SLC25A21: variants seen among roughly 807,000 people sequenced by gnomAD.
SLC25A21 encodes solute carrier family 25 member 21, also known as mitochondrial 2-oxodicarboxylate carrier.
In SLC25A21, 47 loss-of-function variants were observed where a neutral mutation model predicts 43.8. The ratio of observed to expected loss-of-function variants is 1.07; its 90% confidence interval spans 0.85 to 1.37. SLC25A21 has a LOEUF of 1.37. Ranked by LOEUF, SLC25A21 falls within the 40% of genes most tolerant of loss-of-function variation. The pLI, the probability that SLC25A21 is intolerant of heterozygous loss-of-function variation, is 0.00. For synonymous variants in SLC25A21, 131 were observed against 121.3 expected, an observed-to-expected ratio of 1.08 and a Z score of -0.52; for missense variants, 352 against 350.2, an observed-to-expected ratio of 1.00 and a Z score of -0.04.
At chr14:36,887,080 G>A (rs551346675) in intron 1 of SLC25A21, among the ~76,000 whole-genome samples, 1 of 152,060 alleles carries the variant, frequency 6.6e-6, no homozygotes, top group Non-Finnish European at 1.5e-5. Flanking sequence ...GAAGAAAATA[G>A]AGAGAAATAG....
intron 1 of SLC25A21, among the ~76,000 whole-genome samples, chr14:36,914,367 G>T (rs879776826): frequency 1.6e-4 from 24 of 152,302 alleles, no homozygotes; most frequent in Admixed American, 1.4e-3. Flanking sequence ...CAGCTGAAAT[G>T]CAGCAGTTGA....
rs1389511549 is a variant in SLC25A21 at position 36,785,454 on chromosome 14, T to C, written c.203+28464A>G. Reference sequence around the variant, plus strand: ...TTTCTGCATGTGAATAGTAGAGATGTATATATTTTCTCTCATCTACCCTGG... The same window carrying C: ...TTTCTGCATGTGAATAGTAGAGATGCATATATTTTCTCTCATCTACCCTGG... On this transcript the variant is annotated intron_variant, in intron 3 of 9. Coordinates refer to ENST00000331299, the MANE Select transcript of SLC25A21 (RefSeq NM_030631.4). Among the ~76,000 whole-genome samples, 3 of 152,316 alleles carry C rather than the reference T, an allele frequency of 2.0e-5. No individual in the cohort carries two copies. The East Asian group carries it at 5.8e-4, about 29-fold the overall frequency.
chr14:36,821,979 T>G (rs1888653459), intron 2 of SLC25A21, among the ~76,000 whole-genome samples: 1 of 152,146 alleles, frequency 6.6e-6, no homozygotes. Flanking sequence ...GTCTCAGCAT[T>G]TACTGAGCTC....
In SLC25A21 at chr14:36,699,423, G is replaced by GCAGTCT. The variant is rs377511953; in HGVS notation, c.603+11889_603+11894dup. ...AGGGATCAGGGACCCACTTGAGGAG[G>GCAGTCT]CAGTCTGTCTGTTCTCAGAGCTCAA... On this transcript the variant is annotated intron_variant, in intron 7 of 9. Coordinates refer to ENST00000331299, the MANE Select transcript of SLC25A21 (RefSeq NM_030631.4). 6.2e-3 allele frequency among the ~76,000 whole-genome samples: 937 copies of GCAGTCT among 152,310 alleles called. 12 individuals carry two copies. The highest frequency in any genetic ancestry group is 0.022 in the African/African-American group (907 of 41,562).
chr14:36,996,503 G>C (rs1188452821), intron 1 of SLC25A21, among the ~76,000 whole-genome samples: 1 of 152,192 alleles, frequency 6.6e-6, no homozygotes, highest in Non-Finnish European at 1.5e-5. Context: ...ACAAAATAGG[G>C]ATAATAATGT....
At chr14:36,827,800 G>T (rs1431194220) in intron 2 of SLC25A21, among the ~76,000 whole-genome samples, 1 of 152,156 alleles carries the variant, frequency 6.6e-6, no homozygotes, top group Non-Finnish European at 1.5e-5. Flanking sequence ...AATAATAAAT[G>T]TAAAAACAGC....
rs1385967684 is a variant in SLC25A21 at position 36,684,885 on chromosome 14, A to T, written c.644T>A (p.Leu215His). The change falls in exon 8 of 10, where the codon CTT (leucine) becomes CAT (histidine). Residue 215 changes from leucine to histidine, a missense_variant. Physicochemically the swap from Leu to His is moderately conservative, Grantham distance 99. Transcript: ENST00000331299. ...LEFWRKFGIGLLSGTIASVIN... is the reference protein window; with the variant it reads ...LEFWRKFGIGHLSGTIASVIN... ...GACTGAGGCTATTGTCCCCGAGAGA[A>T]GACCAATCCCAAATTTTCTCCAAAA... is the stretch of plus-strand genomic sequence containing the variant. The T allele has an allele frequency of 6.2e-7, 1 of 1,610,738 alleles. No individual in the cohort carries two copies. Among genetic ancestry groups the T allele is most frequent in the Admixed American group, 1.7e-5 (1 of 58,862 alleles).
chr14:36,939,307 G>A (rs1277467480), intron 1 of SLC25A21, among the ~76,000 whole-genome samples: 9 of 151,952 alleles, frequency 5.9e-5, no homozygotes, highest in Non-Finnish European at 1.0e-4. Context: ...GGAGCCAGGG[G>A]TGGGGGGGGA....
At chr14:37,000,812 C>G (rs750090534) in intron 1 of SLC25A21, among the ~76,000 whole-genome samples, 1 of 146,334 alleles carries the variant, frequency 6.8e-6, no homozygotes, top group Non-Finnish European at 1.5e-5. Flanking sequence ...CTGCCTCGCT[C>G]TCCCTGCTCC....
intron 1 of SLC25A21, among the ~76,000 whole-genome samples, chr14:37,050,526 C>T (rs1278498758): frequency 2.0e-5 from 3 of 152,284 alleles, no homozygotes; most frequent in Non-Finnish European, 2.9e-5. Context: ...TTGGATTCTT[C>T]CAACTCATCA....
chr14:36,742,689 C>A (rs529484951), intron 3 of SLC25A21, among the ~76,000 whole-genome samples: 1 of 152,166 alleles, frequency 6.6e-6, no homozygotes, highest in Admixed American at 6.5e-5. Flanking sequence ...AAATAAATTT[C>A]AAGGAAGTGC....
intron 7 of SLC25A21, among the ~76,000 whole-genome samples, chr14:36,707,033 T>C (rs570667756): frequency 9.2e-5 from 14 of 152,336 alleles, no homozygotes; most frequent in African/African-American, 3.4e-4. Context: ...TGTGTCTCTC[T>C]AGCAACATTC....
At chr14:36,930,789 T>C (rs1408136025) in intron 1 of SLC25A21, among the ~76,000 whole-genome samples, 1 of 152,126 alleles carries the variant, frequency 6.6e-6, no homozygotes, top group Non-Finnish European at 1.5e-5. Flanking sequence ...GGCATCCACA[T>C]ACCTCTCAAG....
intron 1 of SLC25A21, among the ~76,000 whole-genome samples, chr14:37,081,095 T>C (rs1453141426): frequency 6.6e-6 from 1 of 152,178 alleles, no homozygotes; most frequent in Non-Finnish European, 1.5e-5. Flanking sequence ...TAAGGGTAGT[T>C]ACTACCAATG....
intron 1 of SLC25A21, among the ~76,000 whole-genome samples, chr14:37,071,106 A>T (rs1197342524): frequency 6.6e-6 from 1 of 152,240 alleles, no homozygotes; most frequent in Non-Finnish European, 1.5e-5. Context: ...CACATTCCAA[A>T]ATGATTAGCC....
In SLC25A21 at chr14:37,073,803, C is replaced by T. The variant is rs754248689; in HGVS notation, c.70+98478G>A. 3.3e-5 allele frequency among the ~76,000 whole-genome samples: 5 copies of T among 152,050 alleles called. 1 individual carries two copies. Among genetic ancestry groups the T allele is most frequent in the Non-Finnish European group, 7.4e-5 (5 of 68,006 alleles). ...TGCTGACTTACCTATTTGGGCATAA[C>T]CCAGGTTAGCCTCCTGCGATCCCAC... On this transcript the variant is annotated intron_variant, in intron 1 of 9. Coordinates refer to ENST00000331299, the MANE Select transcript of SLC25A21 (RefSeq NM_030631.4).
chr14:36,692,721 ACACAGG>A (rs1882843438), intron 7 of SLC25A21, among the ~76,000 whole-genome samples: 1 of 152,200 alleles, frequency 6.6e-6, no homozygotes, highest in African/African-American at 2.4e-5. Context: ...GTGATGAGGG[ACACAGG>A]GCAGGAAGCC....
At chr14:36,800,280 A>G (rs1887824687) in intron 3 of SLC25A21, among the ~76,000 whole-genome samples, 1 of 152,206 alleles carries the variant, frequency 6.6e-6, no homozygotes, top group Non-Finnish European at 1.5e-5. Flanking sequence ...CAGTGTTCAT[A>G]GCAGCATTAC....
intron 2 of SLC25A21, among the ~76,000 whole-genome samples, chr14:36,849,273 C>T (rs1418921755): frequency 6.6e-6 from 1 of 152,110 alleles, no homozygotes; most frequent in African/African-American, 2.4e-5. Flanking sequence ...GTTCCCCTTT[C>T]GCTTGATACG....
Sources: gnomAD v4.1 joint callset for allele counts (sites outside exome capture counted in the v4.1 genomes callset) on GRCh38, gnomAD v4.1.1 for gene constraint, MANE v1.5 for transcripts, NCBI Gene and HGNC (gene_info 2026-07-23, HGNC 2026-07-21) for gene names.